The following ATXN1 variants were observed in gnomAD, a reference collection of about 807,000 sequenced individuals.
ATXN1 encodes the protein ataxin-1.
Under a neutral mutation model 56.4 loss-of-function variants are expected in ATXN1, and 8 were observed. The observed-to-expected ratio is 0.14, with a 90% CI of 0.08 to 0.26. The LOEUF (loss-of-function observed/expected upper bound fraction) is 0.26, where lower values mean the gene tolerates loss of function less well. Among genes scored for constraint, ATXN1 ranks in the 10% least tolerant of loss-of-function variants. The pLI, the probability that ATXN1 is intolerant of heterozygous loss-of-function variation, is 1.00. For synonymous variants in ATXN1, 514 were observed against 494.6 expected (o/e 1.04, Z -0.52); for missense variants, 987 against 1,106.5 (o/e 0.89, Z 1.53).
chr6:16,425,868 C>A (rs1759142616), intron 6 of ATXN1, among the ~76,000 whole-genome samples: 1 of 152,132 alleles, frequency 6.6e-6, no homozygotes, highest in African/African-American at 2.4e-5. Context: ...TAGCAGATGA[C>A]CCTCTGTTCC....
At chr6:16,313,768 G>T (rs372385730) in intron 7 of ATXN1, among the ~76,000 whole-genome samples, 1 of 151,970 alleles carries the variant, frequency 6.6e-6, no homozygotes, top group East Asian at 1.9e-4. Flanking sequence ...CACCATGTTG[G>T]CCAAGCTAGT....
rs560519220 is a variant in ATXN1 at position 16,336,960 on chromosome 6, A to G, written c.-160-8490T>C. Among the ~76,000 whole-genome samples the G allele has an allele frequency of 2.0e-5, 3 of 152,348 alleles. No homozygotes were observed. The South Asian group carries it at 6.2e-4, about 32-fold the overall frequency. ...ATTAAAAAATTTAAATCCACCCAAAATAATAGTCTCATTCGGGTGGTCGCT... is the reference window on the plus strand; with the variant it reads ...ATTAAAAAATTTAAATCCACCCAAAGTAATAGTCTCATTCGGGTGGTCGCT... On this transcript the variant is annotated intron_variant, in intron 6 of 7. Coordinates refer to ENST00000436367, the MANE Select transcript of ATXN1 (RefSeq NM_001128164.2).
At chr6:16,499,155 C>T (rs757500324) in intron 5 of ATXN1, among the ~76,000 whole-genome samples, 19 of 152,006 alleles carry the variant, frequency 1.2e-4, no homozygotes, top group Non-Finnish European at 2.8e-4. Flanking sequence ...GGTATTGATC[C>T]ATTTTTAGTT....
At chr6:16,528,501 G>A (rs1761437523) in intron 4 of ATXN1, among the ~76,000 whole-genome samples, 1 of 152,084 alleles carries the variant, frequency 6.6e-6, no homozygotes, top group Admixed American at 6.5e-5. Context: ...AAACCGTGCT[G>A]ATACTACATG....
intron 3 of ATXN1, among the ~76,000 whole-genome samples, chr6:16,635,155 T>C (rs904929346): frequency 3.3e-5 from 5 of 152,266 alleles, no homozygotes; most frequent in Admixed American, 6.5e-5. Flanking sequence ...TATTGTGAAC[T>C]GCACATGTGA....
intron 6 of ATXN1, among the ~76,000 whole-genome samples, chr6:16,413,895 G>A (rs1758850933): frequency 1.3e-5 from 2 of 152,142 alleles, no homozygotes; most frequent in African/African-American, 4.8e-5. Context: ...GGGGAAACAA[G>A]AGTTACTTTA....
chr6:16,561,811 A>G (rs1361957812), intron 4 of ATXN1, among the ~76,000 whole-genome samples: 1 of 152,116 alleles, frequency 6.6e-6, no homozygotes, highest in Admixed American at 6.6e-5. Context: ...CAGAAAACCA[A>G]GGGAGCTTGA....
At chr6:16,552,508 G>A (rs537839212) in intron 4 of ATXN1, among the ~76,000 whole-genome samples, 30 of 152,334 alleles carry the variant, frequency 2.0e-4, no homozygotes, top group Admixed American at 8.5e-4. Context: ...TGAATAAGGT[G>A]TAATTTATCA....
At chr6:16,374,925 T>A (rs944507727) in intron 6 of ATXN1, among the ~76,000 whole-genome samples, 1 of 152,212 alleles carries the variant, frequency 6.6e-6, no homozygotes, top group African/African-American at 2.4e-5. Flanking sequence ...TCTAATTCTG[T>A]AGGCATGCAA....
chr6:16,371,557 T>G (rs147613556), intron 6 of ATXN1, among the ~76,000 whole-genome samples: 27 of 152,038 alleles, frequency 1.8e-4, no homozygotes, highest in Non-Finnish European at 3.5e-4. Context: ...GATACAAGTG[T>G]TTTCTTTTTT....
At chr6:16,447,097 T>C (rs940653904) in intron 6 of ATXN1, among the ~76,000 whole-genome samples, 4 of 152,214 alleles carry the variant, frequency 2.6e-5, no homozygotes, top group Admixed American at 6.5e-5. Context: ...TGCTTATCAC[T>C]AGAAGCCAGA....
chr6:16,366,993 C>T (rs1761934390), intron 6 of ATXN1, among the ~76,000 whole-genome samples: 1 of 151,706 alleles, frequency 6.6e-6, no homozygotes. Flanking sequence ...ATGCATAGAG[C>T]CCAAACTGGA....
At chr6:16,348,357 A>G (rs1233104354) in intron 6 of ATXN1, among the ~76,000 whole-genome samples, 5 of 152,122 alleles carry the variant, frequency 3.3e-5, no homozygotes, top group African/African-American at 1.2e-4. Context: ...GAGCCACAGC[A>G]CCGGGCCCAT....
chr6:16,438,993 G>A (rs1322797690), intron 6 of ATXN1, among the ~76,000 whole-genome samples: 1 of 151,930 alleles, frequency 6.6e-6, no homozygotes, highest in Non-Finnish European at 1.5e-5. Flanking sequence ...AATTTAATAA[G>A]GAAAGCTTCC....
At chr6:16,718,969 C>G (rs1476300516) in intron 2 of ATXN1, among the ~76,000 whole-genome samples, 1 of 152,216 alleles carries the variant, frequency 6.6e-6, no homozygotes, top group Non-Finnish European at 1.5e-5. Context: ...TGGGAAGTGG[C>G]TTTGTTTCTC....
At chr6:16,472,439 T>C (rs968912951) in intron 6 of ATXN1, among the ~76,000 whole-genome samples, 1 of 152,184 alleles carries the variant, frequency 6.6e-6, no homozygotes, top group Non-Finnish European at 1.5e-5. Context: ...CAGCAAACCA[T>C]ATCTTCCTTT....
chr6:16,480,154 C>CAAAAAAA (rs60209783), intron 6 of ATXN1, among the ~76,000 whole-genome samples: 2 of 79,118 alleles, frequency 2.5e-5, no homozygotes, highest in African/African-American at 5.3e-5. Flanking sequence ...ACTTCATCTG[C>CAAAAAAA]AAAAAAAAAA....
intron 3 of ATXN1, among the ~76,000 whole-genome samples, chr6:16,645,895 C>T (rs1763790946): frequency 6.6e-6 from 1 of 152,042 alleles, no homozygotes; most frequent in African/African-American, 2.4e-5. Context: ...AGTCTAATAC[C>T]ACTCCTCTGG....
At chr6:16,636,487 C>A (rs555322259) in intron 3 of ATXN1, among the ~76,000 whole-genome samples, 2 of 152,312 alleles carry the variant, frequency 1.3e-5, no homozygotes, top group Admixed American at 6.5e-5. Flanking sequence ...TTGAGTAGGA[C>A]AAAGTATATT....
Sources: allele counts gnomAD v4.1 joint callset (sites outside exome capture counted in the v4.1 genomes callset), GRCh38; gene constraint gnomAD v4.1.1; transcripts MANE v1.5; gene names NCBI Gene and HGNC (gene_info 2026-07-23, HGNC 2026-07-21).